Variants in PPP1R9A observed in about 807,000 individuals in gnomAD.
The protein encoded by PPP1R9A is neurabin-1.
In PPP1R9A, 59 loss-of-function variants were observed where a neutral mutation model predicts 141.9. The ratio of observed to expected loss-of-function variants is 0.42; its 90% CI spans 0.34 to 0.52. PPP1R9A has a LOEUF of 0.52. Ranked by LOEUF, PPP1R9A falls within the 20% of genes least tolerant of loss-of-function variation. PPP1R9A has a pLI of 0.10. For synonymous variants in PPP1R9A, 500 were observed against 569.7 expected (o/e 0.88, Z 1.74); for missense variants, 1,444 against 1,611.9 (o/e 0.90, Z 1.78).
intron 2 of PPP1R9A, among the ~76,000 whole-genome samples, chr7:95,079,046 A>G (rs1815339588): frequency 6.6e-6 from 1 of 152,144 alleles, no homozygotes; most frequent in South Asian, 2.1e-4. Flanking sequence ...TTGGACATGA[A>G]GTCCTTGCCC....
chr7:94,959,980 T>C (rs867527520), intron 2 of PPP1R9A, among the ~76,000 whole-genome samples: 3 of 151,772 alleles, frequency 2.0e-5, no homozygotes, highest in African/African-American at 2.4e-5. Context: ...ACTTTATTTA[T>C]TGATAACAGG....
intron 5 of PPP1R9A, among the ~76,000 whole-genome samples, chr7:95,183,023 A>G (rs1207788257): frequency 6.6e-6 from 1 of 152,186 alleles, no homozygotes; most frequent in Non-Finnish European, 1.5e-5. Context: ...TTTGGAAAAT[A>G]TCTTAAGTTT....
intron 4 of PPP1R9A, chr7:95,155,515 G>C (rs140941408): frequency 1.3e-5 from 2 of 152,184 alleles, no homozygotes; most frequent in Non-Finnish European, 2.9e-5. Flanking sequence ...GAATCACTTT[G>C]AGGAGAAAGA....
chr7:95,265,548 C>T (rs149537908), intron 12 of PPP1R9A, among the ~76,000 whole-genome samples: 2 of 152,120 alleles, frequency 1.3e-5, no homozygotes, highest in South Asian at 2.1e-4. Context: ...ATTTTCCTTC[C>T]GTGTACACAC....
intron 2 of PPP1R9A, among the ~76,000 whole-genome samples, chr7:95,073,558 A>G (rs1361287318): frequency 6.6e-6 from 1 of 150,872 alleles, no homozygotes; most frequent in East Asian, 1.9e-4. Context: ...TTTTTTACCT[A>G]ATTTCTACAC....
intron 5 of PPP1R9A, among the ~76,000 whole-genome samples, chr7:95,191,609 A>G (rs1383950634): frequency 6.6e-6 from 1 of 152,124 alleles, no homozygotes; most frequent in Non-Finnish European, 1.5e-5. Context: ...TGTTTAACAC[A>G]ATAAAAAACC....
At chr7:95,128,932 G>A (rs1291738858) in intron 4 of PPP1R9A, among the ~76,000 whole-genome samples, 4 of 152,158 alleles carry the variant, frequency 2.6e-5, no homozygotes, top group African/African-American at 9.7e-5. Flanking sequence ...CAAGGCCAAT[G>A]TCCTGAATGG....
chr7:95,173,620 C>T (rs1441403322), intron 5 of PPP1R9A, among the ~76,000 whole-genome samples: 1 of 151,854 alleles, frequency 6.6e-6, no homozygotes, highest in Non-Finnish European at 1.5e-5. Context: ...ATCTGTAAAA[C>T]AATTTTCTGA....
chr7:94,933,730 T>C (rs1172735597), intron 2 of PPP1R9A, among the ~76,000 whole-genome samples: 2 of 152,132 alleles, frequency 1.3e-5, no homozygotes, highest in Non-Finnish European at 2.9e-5. Context: ...CTGATCACTT[T>C]TTAGCAGTGG....
At chr7:94,929,364 G>T (rs999443277) in intron 2 of PPP1R9A, among the ~76,000 whole-genome samples, 5 of 152,116 alleles carry the variant, frequency 3.3e-5, no homozygotes, top group African/African-American at 1.2e-4. Context: ...CTTGGGTTCT[G>T]GAGGCAAGTT....
intron 5 of PPP1R9A, among the ~76,000 whole-genome samples, chr7:95,180,569 C>CA (rs2152789307): frequency 6.6e-6 from 1 of 152,206 alleles, no homozygotes; most frequent in South Asian, 2.1e-4. Context: ...GCCAAAGTCA[C>CA]AGTCAGCAGA....
chr7:95,202,523 G>GTT (rs397726950), intron 6 of PPP1R9A: 11,385 of 585,334 alleles, frequency 0.019, no homozygotes, highest in Non-Finnish European at 0.023. Flanking sequence ...TTGATCACTT[G>GTT]TTTTTTTTTT....
chr7:95,262,176 G>A (rs925366970), intron 12 of PPP1R9A, among the ~76,000 whole-genome samples: 1 of 152,160 alleles, frequency 6.6e-6, no homozygotes, highest in African/African-American at 2.4e-5. Flanking sequence ...TTGTTGCCAT[G>A]TCAAAGACAC....
intron 2 of PPP1R9A, among the ~76,000 whole-genome samples, chr7:95,043,063 A>G (rs914533973): frequency 5.9e-5 from 9 of 152,230 alleles, no homozygotes; most frequent in Non-Finnish European, 1.0e-4. Flanking sequence ...CCTGTAGCAT[A>G]TATAAAAAAT....
At chr7:95,033,165 T>C (rs577444769) in intron 2 of PPP1R9A, among the ~76,000 whole-genome samples, 5,716 of 125,534 alleles carry the variant, frequency 0.046, 171 homozygotes, top group Middle Eastern at 0.14. Context: ...CCACCATGCC[T>C]GGCTAATTTT....
chr7:95,141,368 A>G (rs1015083169), intron 4 of PPP1R9A, among the ~76,000 whole-genome samples: 3 of 152,206 alleles, frequency 2.0e-5, no homozygotes, highest in African/African-American at 4.8e-5. Flanking sequence ...CACATACCAT[A>G]TAGTTTACTC....
chr7:95,091,337 C>CTTTTTTTTTTTTT (rs555627706), intron 2 of PPP1R9A, among the ~76,000 whole-genome samples: 8 of 75,986 alleles, frequency 1.1e-4, no homozygotes, highest in Admixed American at 1.9e-4. Flanking sequence ...TGTTTTAACT[C>CTTTTTTTTTTTTT]TTTTTTTTTT....
chr7:94,984,255 G>A (rs1210613098), intron 2 of PPP1R9A, among the ~76,000 whole-genome samples: 1 of 151,996 alleles, frequency 6.6e-6, no homozygotes, highest in Non-Finnish European at 1.5e-5. Context: ...GAGGATTTTT[G>A]CATCAATGTT....
intron 2 of PPP1R9A, among the ~76,000 whole-genome samples, chr7:95,049,317 C>A (rs1023884312): frequency 6.6e-6 from 1 of 152,088 alleles, no homozygotes; most frequent in Non-Finnish European, 1.5e-5. Flanking sequence ...AGGGGATAAA[C>A]CACTAATTTG....
Sources: allele counts gnomAD v4.1 joint callset (sites outside exome capture counted in the v4.1 genomes callset), GRCh38; gene constraint gnomAD v4.1.1; transcripts MANE v1.5; gene names NCBI Gene and HGNC (gene_info 2026-07-23, HGNC 2026-07-21).